The following BRD2 variants were observed in gnomAD, a reference collection of about 807,000 sequenced individuals.
BRD2 encodes bromodomain containing 2.
A neutral mutation model predicts 79.1 loss-of-function variants in BRD2; 15 were observed. The ratio of observed to expected loss-of-function variants is 0.19; its 90% confidence interval spans 0.13 to 0.29. BRD2 has a LOEUF of 0.29. Among genes scored for constraint, BRD2 ranks in the 10% least tolerant of loss-of-function variants. BRD2 has a pLI of 1.00. For synonymous variants in BRD2, 488 were observed against 358.6 expected, an observed-to-expected ratio of 1.36 and a Z score of -4.08; for missense variants, 1,053 against 991.3, an observed-to-expected ratio of 1.06 and a Z score of -0.84.
chr6:32,973,843 T>C (rs931760668), intron 2 of BRD2, among the ~76,000 whole-genome samples: 8 of 152,186 alleles, frequency 5.3e-5, no homozygotes, highest in Non-Finnish European at 1.2e-4. Flanking sequence ...CTGTGAAGTC[T>C]GACAAATTCT....
In BRD2 at chr6:32,978,227, A is replaced by G. The variant is rs142074834; in HGVS notation, c.1680A>G (p.Ala560=). The G allele has an allele frequency of 2.0e-5, 32 of 1,613,000 alleles. No individual in the cohort carries two copies. The African/African-American group carries it at 4.0e-4, about 20-fold the overall frequency. Residue 560 remains alanine, a synonymous_variant, in exon 10 of 13, where the codon GCA becomes GCG. Transcript: ENST00000374825. ...EKKEKKKKRK[A]EKHRGRAGAD... is the part of the protein sequence containing the mutation. Reference sequence around the variant, plus strand: ...AAGAGAAAAAGAAGAAACGGAAGGCAGAGAAGCATCGAGGCCGAGCTGGGG... The same window carrying G: ...AAGAGAAAAAGAAGAAACGGAAGGCGGAGAAGCATCGAGGCCGAGCTGGGG...
chr6:32,975,001 G>C (rs1324523816), intron 3 of BRD2: 4 of 1,522,474 alleles, frequency 2.6e-6, no homozygotes, highest in Non-Finnish European at 3.5e-6. Context: ...TAACTTTTGT[G>C]CCCTGGCTCC....
intron 1 of BRD2, chr6:32,970,092 G>A (rs1777809273): frequency 6.6e-6 from 1 of 152,324 alleles, no homozygotes; most frequent in Non-Finnish European, 1.5e-5. Flanking sequence ...TTTTCCTAAG[G>A]CCTAGTATTT....
At chr6:32,971,000 G>C (rs1345404152) in intron 1 of BRD2, 1 of 152,416 alleles carries the variant, frequency 6.6e-6, no homozygotes, top group Non-Finnish European at 1.5e-5. Context: ...CCCTGGTGGG[G>C]GGGCGGGGGG....
At chr6:32,978,037 G>C (rs1350200532) in intron 9 of BRD2, 32 bp downstream of exon 9, 3 of 1,604,864 alleles carry the variant, frequency 1.9e-6, no homozygotes, top group East Asian at 2.2e-5. Context: ...TTTTTATTGG[G>C]TAAGAGGTTC....
Position 32,974,518 on chromosome 6 carries a change from C to A in BRD2, c.86C>A (p.Pro29Gln). The change falls in exon 3 of 13, where the codon CCA becomes CAA. Residue 29 changes from proline (P) to glutamine (Q), a missense_variant. Pro to Gln is a moderately conservative substitution (Grantham distance 76, BLOSUM62 -1). Coordinates refer to ENST00000374825, the MANE Select transcript of BRD2 (RefSeq NM_005104.4). The part of the protein sequence containing the change: ...LLGLGPEAAA[P>Q]GKRIRKPSLL... ...GGGCTGGGCCCAGAAGCAGCAGCAC[C>A]AGGGAAGAGGATTCGAAAACCCTCT... 6.2e-7 allele frequency: 1 copy of A among 1,614,106 alleles called. No homozygotes were observed.
rs920894966 is a variant in BRD2, at chr6:32,975,993, T to C, written c.472-38T>C. ...GGTGTGTATCTATCTTCTGTTGGCATTTTTTAACTTTCTTTATTGCTGTCT... is the reference window on the plus strand; with the variant it reads ...GGTGTGTATCTATCTTCTGTTGGCACTTTTTAACTTTCTTTATTGCTGTCT... On this transcript the variant is annotated intron_variant, in intron 4 of 12. Transcript: ENST00000374825. 21 of 1,570,390 alleles carry C rather than the reference T, an allele frequency of 1.3e-5. No homozygotes were observed. The Admixed American group carries it at 2.4e-4, about 18-fold the overall frequency.
In BRD2 at chr6:32,980,905, AAAC is replaced by A. The variant is rs1411099840; in HGVS notation, c.*192_*194del. 4.4e-6 allele frequency: 3 copies of A among 682,822 alleles called. No individual in the cohort carries two copies. The highest frequency in any genetic ancestry group is 3.8e-5 in the South Asian group (2 of 52,652). The allele number at this position is 682,822 out of a possible 1,614,324, so 42.3% of individuals were successfully genotyped here. On this transcript the variant is annotated 3_prime_UTR_variant, in exon 13 of 13. Transcript: ENST00000374825. The stretch of plus-strand genomic sequence containing the variant: ...ATTTACTGAAGGAGGGACATGGACA[AAAC>A]AACATTGAATTCCCAGCCCCATTGG...
Position 32,980,108 on chromosome 6 carries a change from C to T in BRD2, c.2122C>T (p.Arg708Cys), listed in dbSNP as rs886567754. 7.4e-6 allele frequency: 12 copies of T among 1,612,150 alleles called. No individual in the cohort carries two copies. Among genetic ancestry groups the T allele is most frequent in the Non-Finnish European group, 6.8e-6 (8 of 1,179,898 alleles). Residue 708 changes from arginine to cysteine, a missense_variant, in exon 11 of 13, where the codon CGT (arginine) becomes TGT (cysteine). Coordinates refer to ENST00000374825, the MANE Select transcript of BRD2 (RefSeq NM_005104.4). ...TGAGCGCTATGTCCTTTCCTGCCTA[C>T]GTAAGAAACCCCGGAAGCCCTACAG... Reference protein sequence around the residue: ...ELERYVLSCLRKKPRKPYTIK... With the variant: ...ELERYVLSCLCKKPRKPYTIK...
chr6:32,969,231 T>TG (rs529038980), intron 1 of BRD2, 175 bp downstream of exon 1: 3,522 of 291,950 alleles, frequency 0.012, 15 homozygotes, highest in Middle Eastern at 0.052. Flanking sequence ...GAGAGGGCCA[T>TG]GGGGGGGGAG....
In BRD2 at chr6:32,980,682, G is replaced by A. The variant is rs776603884; in HGVS notation, c.2370G>A (p.Ser790=). The part of the protein sequence containing the change: ...SSDSSSSSSS[S]SSSDTSDSDS... ...ATTCCAGCTCCTCCTCTTCCTCGTC[G>A]TCGTCTTCAGACACCAGTGATTCAG... The change falls in exon 13 of 13, where the codon TCG becomes TCA. Residue 790 remains serine (S), a synonymous_variant. Coordinates refer to ENST00000374825, the MANE Select transcript of BRD2 (RefSeq NM_005104.4). 34 of 1,612,952 alleles carry A rather than the reference G, an allele frequency of 2.1e-5. No individual in the cohort carries two copies. Among genetic ancestry groups the A allele is most frequent in the Admixed American group, 3.3e-5 (2 of 60,012 alleles).
At position 32,979,643 on chromosome 6, in the gene BRD2, ACAG is replaced by A. The variant is rs763412542; in HGVS notation, c.1842-184_1842-182del. ...TTTAAAGACATGTTATTGCCTACTT[ACAG>A]TCGAGCAAAATGCTCTGTTTCACTA... is the stretch of plus-strand genomic sequence containing the variant. On this transcript the variant is annotated intron_variant, in intron 10 of 12. Coordinates refer to ENST00000374825, the MANE Select transcript of BRD2 (RefSeq NM_005104.4). 3.6e-3 allele frequency: 1,755 copies of A among 491,572 alleles called. 15 individuals are homozygous for A. The African/African-American group carries it at 0.084, about 24-fold the overall frequency. The allele number at this position is 491,572 out of a possible 1,614,324, so 30.5% of individuals were successfully genotyped here. A position where few individuals can be genotyped will look rare whatever the true frequency, so the allele number is the denominator to read the frequency against.
intron 11 of BRD2, 78 bp from the exon 12 acceptor site, chr6:32,980,264 G>A (rs1369512268): frequency 6.3e-7 from 1 of 1,586,094 alleles, no homozygotes. Flanking sequence ...GTTCAAGAAG[G>A]GAACTTGGGA....
Position 32,976,355 on chromosome 6 carries a change from A to G in BRD2, c.716A>G (p.Asn239Ser), listed in dbSNP as rs2127515828. Residue 239 changes from asparagine (N) to serine (S), a missense_variant, in exon 6 of 13, where the codon AAC becomes AGC. Asn to Ser is a conservative substitution (Grantham distance 46). Around this residue, in one of 5 missense-constraint regions of BRD2, gnomAD observed 413 missense variants for 335.1 expected, o/e 1.23. Coordinates refer to ENST00000374825, the MANE Select transcript of BRD2 (RefSeq NM_005104.4). ...PPPEIPTTVL[N>S]IPHPSVISSP... ...CCTGAGATACCTACCACTGTCCTCAACATTCCCCACCCATCAGTCATTTCC... is the reference window on the plus strand; with the variant it reads ...CCTGAGATACCTACCACTGTCCTCAGCATTCCCCACCCATCAGTCATTTCC... 1 of 1,613,002 alleles carries G rather than the reference A, an allele frequency of 6.2e-7. No homozygotes were observed. The highest frequency in any genetic ancestry group is 8.5e-7 in the Non-Finnish European group (1 of 1,180,020).
intron 3 of BRD2, 29 bp downstream of exon 3, chr6:32,974,794 T>C (rs1178942109): frequency 1.2e-6 from 2 of 1,603,422 alleles, no homozygotes; most frequent in African/African-American, 2.7e-5. Context: ...GCCGGGGAGG[T>C]GTGGGATGAG....
intron 5 of BRD2, 37 bp from the exon 6 acceptor site, chr6:32,976,213 G>T (rs1381884746): frequency 1.2e-6 from 2 of 1,610,998 alleles, no homozygotes; most frequent in Admixed American, 1.7e-5. Context: ...TAAAGATGGG[G>T]AAGAGAATCA....
Position 32,976,152 on chromosome 6 carries a change from A to AGGGGG in BRD2, c.594_598dup (p.Ala200GlyfsTer82). ...ACCATCCCTAAGAACAGCCACAAGAAGGGGGCCAAGTTGGCAGGTAGGAAG... is the reference window on the plus strand; with the variant it reads ...ACCATCCCTAAGAACAGCCACAAGAAGGGGGGGGGGCCAAGTTGGCAGGTAGGAAG... On this transcript the variant is annotated frameshift_variant, in exon 5 of 13. Transcript: ENST00000374825. LOFTEE classifies it high-confidence loss of function. 6.2e-7 allele frequency: 1 copy of AGGGGG among 1,612,590 alleles called. No individual in the cohort carries two copies. Among genetic ancestry groups the AGGGGG allele is most frequent in the Non-Finnish European group, 8.5e-7 (1 of 1,179,866 alleles).
In BRD2 at chr6:32,977,748, T is replaced by G; in HGVS notation, c.1330-9T>G. On this transcript the variant is annotated splice_polypyrimidine_tract_variant and intron_variant, in intron 8 of 12. Coordinates refer to ENST00000374825, the MANE Select transcript of BRD2 (RefSeq NM_005104.4). Reference sequence around the variant, plus strand: ...ATCAGCATAGTTTTGAGTTTGTGCCTCTTTGTAGGATGTATTTGAGTTCCG... The same window carrying G: ...ATCAGCATAGTTTTGAGTTTGTGCCGCTTTGTAGGATGTATTTGAGTTCCG... 6.2e-7 allele frequency: 1 copy of G among 1,612,838 alleles called. No individual in the cohort carries two copies. The highest frequency in any genetic ancestry group is 1.1e-5 in the South Asian group (1 of 91,086).
In BRD2 at chr6:32,979,820, G is replaced by A. The variant is rs544786231; in HGVS notation, c.1842-8G>A. The A allele has an allele frequency of 5.6e-6, 9 of 1,599,958 alleles. No individual in the cohort carries two copies. Among genetic ancestry groups the A allele is most frequent in the Admixed American group, 3.5e-5 (2 of 56,806 alleles). On this transcript the variant is annotated splice_region_variant and splice_polypyrimidine_tract_variant and intron_variant, in intron 10 of 12. Transcript: ENST00000374825. Reference sequence around the variant, plus strand: ...GCTTCTTTTGCTGACAACTCTTTTTGCCCTTAGGCTCCCCAAAAAGGCCAC... The same window carrying A: ...GCTTCTTTTGCTGACAACTCTTTTTACCCTTAGGCTCCCCAAAAAGGCCAC...
Sources: allele counts gnomAD v4.1 joint callset (sites outside exome capture counted in the v4.1 genomes callset), GRCh38; gene constraint gnomAD v4.1.1; regional missense constraint gnomAD v4.1.1; transcripts MANE v1.5; gene names NCBI Gene and HGNC (gene_info 2026-07-23, HGNC 2026-07-21).